Variants in KCNT2 observed in about 807,000 individuals in gnomAD.
The protein encoded by KCNT2 is potassium channel subfamily T member 2.
A neutral mutation model predicts 153.8 loss-of-function variants in KCNT2; 67 were observed. The ratio of observed to expected loss-of-function variants is 0.44; its 90% CI spans 0.36 to 0.53. The LOEUF (loss-of-function observed/expected upper bound fraction) is 0.53. Among genes scored for constraint, KCNT2 ranks in the 20% least tolerant of loss-of-function variants. The pLI is 0.00. For missense variants in KCNT2, 975 were observed against 1,354.8 expected (o/e 0.72, Z 4.40); for synonymous variants, 500 against 458.8 (o/e 1.09, Z -1.15).
intron 8 of KCNT2, among the ~76,000 whole-genome samples, chr1:196,452,774 G>C (rs555292667): frequency 6.6e-6 from 1 of 152,098 alleles, no homozygotes; most frequent in Non-Finnish European, 1.5e-5. Context: ...GATGGTGTGA[G>C]AGACCCAGGG....
chr1:196,380,763 A>G (rs1380243527), intron 13 of KCNT2, among the ~76,000 whole-genome samples: 2 of 152,198 alleles, frequency 1.3e-5, no homozygotes, highest in Non-Finnish European at 2.9e-5. Flanking sequence ...ATTAGATTCT[A>G]TTTGCAAGCA....
chr1:196,460,544 C>T (rs79682167), intron 8 of KCNT2, among the ~76,000 whole-genome samples: 3,188 of 151,700 alleles, frequency 0.021, 119 homozygotes, highest in African/African-American at 0.073. Flanking sequence ...CAAATTGAGT[C>T]TTTGCGCTCA....
At chr1:196,395,875 A>G (rs1213179127) in intron 13 of KCNT2, among the ~76,000 whole-genome samples, 2 of 151,718 alleles carry the variant, frequency 1.3e-5, no homozygotes. Flanking sequence ...CTCATTTCAT[A>G]TCTTGTGAAT....
chr1:196,317,804 G>A (rs963342307), intron 20 of KCNT2, among the ~76,000 whole-genome samples: 26 of 151,466 alleles, frequency 1.7e-4, no homozygotes, highest in African/African-American at 5.3e-4. Flanking sequence ...CACGTGTGTC[G>A]GTTAATTCCA....
At chr1:196,374,453 G>T (rs1668783221) in intron 13 of KCNT2, among the ~76,000 whole-genome samples, 1 of 151,418 alleles carries the variant, frequency 6.6e-6, no homozygotes, top group African/African-American at 2.4e-5. Context: ...ACATTTTATG[G>T]AAGAAAATAT....
At chr1:196,570,658 A>G (rs1660674670) in intron 1 of KCNT2, among the ~76,000 whole-genome samples, 1 of 152,128 alleles carries the variant, frequency 6.6e-6, no homozygotes. Flanking sequence ...TTAGGGTGCT[A>G]TACAGAATAT....
intron 1 of KCNT2, among the ~76,000 whole-genome samples, chr1:196,518,018 G>C (rs899546273): frequency 6.6e-6 from 1 of 152,088 alleles, no homozygotes; most frequent in Admixed American, 6.6e-5. Flanking sequence ...TAGAGAGAAA[G>C]GGCAGGTCAC....
intron 13 of KCNT2, among the ~76,000 whole-genome samples, chr1:196,392,189 G>T (rs144203984): frequency 7.3e-5 from 11 of 151,048 alleles, no homozygotes; most frequent in East Asian, 3.9e-4. Flanking sequence ...AGAGAATATG[G>T]TTTTTTTTAA....
At chr1:196,466,308 G>A (rs1677610383) in intron 7 of KCNT2, among the ~76,000 whole-genome samples, 1 of 151,756 alleles carries the variant, frequency 6.6e-6, no homozygotes, top group South Asian at 2.1e-4. Flanking sequence ...TTTCATCAGG[G>A]CAATTAAGAC....
intron 14 of KCNT2, among the ~76,000 whole-genome samples, chr1:196,367,863 C>T (rs1668175353): frequency 1.3e-5 from 2 of 152,124 alleles, no homozygotes; most frequent in African/African-American, 2.4e-5. Context: ...CATGGAAAGC[C>T]TTAAATATAG....
At chr1:196,306,190 C>T (rs1334097925) in intron 21 of KCNT2, among the ~76,000 whole-genome samples, 2 of 151,960 alleles carry the variant, frequency 1.3e-5, no homozygotes, top group Non-Finnish European at 2.9e-5. Context: ...TGATAATCAC[C>T]TTTGTTTTTC....
chr1:196,449,824 A>T (rs530498786), intron 8 of KCNT2, among the ~76,000 whole-genome samples: 1 of 151,822 alleles, frequency 6.6e-6, no homozygotes, highest in East Asian at 1.9e-4. Flanking sequence ...AAAAAAGAAT[A>T]AAAAATGAAG....
At chr1:196,238,789 C>T (rs865951705) in intron 26 of KCNT2, among the ~76,000 whole-genome samples, 5 of 151,808 alleles carry the variant, frequency 3.3e-5, no homozygotes, top group South Asian at 2.1e-4. Context: ...ATGTAACAAA[C>T]CTGCATGCTG....
At chr1:196,365,254 C>T (rs1667941465) in intron 14 of KCNT2, among the ~76,000 whole-genome samples, 1 of 151,998 alleles carries the variant, frequency 6.6e-6, no homozygotes, top group Non-Finnish European at 1.5e-5. Context: ...GATTAATTTT[C>T]AAATAAATTT....
intron 3 of KCNT2, among the ~76,000 whole-genome samples, chr1:196,483,457 C>T (rs758840543): frequency 1.3e-5 from 2 of 152,138 alleles, no homozygotes; most frequent in Non-Finnish European, 2.9e-5. Flanking sequence ...TTTCAAAATG[C>T]GTTTTAGATC....
chr1:196,461,809 C>G (rs1677178576), intron 8 of KCNT2, among the ~76,000 whole-genome samples: 1 of 151,610 alleles, frequency 6.6e-6, no homozygotes, highest in African/African-American at 2.4e-5. Context: ...GAGAGTGGGT[C>G]AGCACAGCAG....
intron 1 of KCNT2, among the ~76,000 whole-genome samples, chr1:196,603,377 G>T (rs1664969565): frequency 6.6e-6 from 1 of 151,952 alleles, no homozygotes; most frequent in Non-Finnish European, 1.5e-5. Flanking sequence ...TATAATAAAT[G>T]GCTGTTTTTC....
At chr1:196,370,656 C>G (rs960066118) in intron 14 of KCNT2, among the ~76,000 whole-genome samples, 1 of 152,018 alleles carries the variant, frequency 6.6e-6, no homozygotes, top group Non-Finnish European at 1.5e-5. Flanking sequence ...CTGACAGTTC[C>G]TAAAGAAGCT....
chr1:196,467,310 G>A (rs1324385445), intron 7 of KCNT2, among the ~76,000 whole-genome samples: 1 of 151,932 alleles, frequency 6.6e-6, no homozygotes, highest in African/African-American at 2.4e-5. Flanking sequence ...CCCTACAAAG[G>A]TAGTAACTTG....
Sources: gnomAD v4.1 joint callset for allele counts (sites outside exome capture counted in the v4.1 genomes callset) on GRCh38, gnomAD v4.1.1 for gene constraint, MANE v1.5 for transcripts, NCBI Gene and HGNC (gene_info 2026-07-23, HGNC 2026-07-21) for gene names.